Variants in USP14 observed in about 807,000 individuals in gnomAD.
The protein encoded by USP14 is ubiquitin carboxyl-terminal hydrolase 14.
Under a neutral mutation model 76.5 loss-of-function variants are expected in USP14, and 38 were observed. The observed-to-expected ratio is 0.50, with a 90% CI of 0.38 to 0.65. The LOEUF (loss-of-function observed/expected upper bound fraction) is 0.65, where lower values mean the gene tolerates loss of function less well. Among genes scored for constraint, USP14 ranks in the 30% least tolerant of loss-of-function variants. USP14 has a pLI of 0.00. For synonymous variants in USP14, 192 were observed against 191.7 expected, an observed-to-expected ratio of 1.00 and a Z score of -0.01; for missense variants, 467 against 586.5, an observed-to-expected ratio of 0.80 and a Z score of 2.10.
intron 5 of USP14, among the ~76,000 whole-genome samples, chr18:186,696 G>A (rs1909939768): frequency 2.0e-5 from 3 of 152,010 alleles, no homozygotes. Context: ...AGGCTGCAGT[G>A]AGCCGAGATT....
chr18:167,794 G>C (rs921867662), intron 3 of USP14, among the ~76,000 whole-genome samples: 1 of 152,026 alleles, frequency 6.6e-6, no homozygotes, highest in South Asian at 2.1e-4. Flanking sequence ...GGGATTAACA[G>C]GTGTGAGTCA....
At chr18:196,185 A>G (rs12454373) in intron 6 of USP14, among the ~76,000 whole-genome samples, 11,478 of 151,742 alleles carry the variant, frequency 0.076, 652 homozygotes, top group Middle Eastern at 0.18. Context: ...TTAGCCAGGC[A>G]TGGTGGCATG....
intron 3 of USP14, among the ~76,000 whole-genome samples, chr18:174,005 T>C (rs146603574): frequency 0.012 from 1,884 of 152,282 alleles, 16 homozygotes; most frequent in Middle Eastern, 0.024. Context: ...TCCAGTTGTT[T>C]TTCTTTTTTA....
intron 3 of USP14, among the ~76,000 whole-genome samples, chr18:168,168 C>T (rs1196425843): frequency 2.0e-5 from 3 of 151,558 alleles, no homozygotes; most frequent in African/African-American, 7.3e-5. Context: ...TCAGGTGATC[C>T]GCCCACCTTG....
chr18:205,464 CTA>C (rs1231004042), intron 13 of USP14, among the ~76,000 whole-genome samples: 7 of 152,110 alleles, frequency 4.6e-5, no homozygotes, highest in African/African-American at 1.4e-4. Context: ...CCGTTCATTT[CTA>C]TAATTTTTGT....
chr18:190,060 C>G (rs562667523), intron 5 of USP14, among the ~76,000 whole-genome samples: 1 of 152,216 alleles, frequency 6.6e-6, no homozygotes, highest in African/African-American at 2.4e-5. Context: ...TGGCTGATGA[C>G]TGGGTAATGG....
rs1910736776 is a variant in USP14 at position 213,503 on chromosome 18, G to GGGA, written c.*2221_*2223dup. The GGGA allele has an allele frequency of 6.6e-6, 1 of 152,234 alleles. No individual in the cohort carries two copies. Among genetic ancestry groups the GGGA allele is most frequent in the Admixed American group, 6.6e-5 (1 of 15,236 alleles). 9.4% of individuals were successfully genotyped at this position (152,234 alleles called of 1,614,324 possible). A position where few individuals can be genotyped will look rare whatever the true frequency, so the allele number is the denominator to read the frequency against. ...GCCTTGCCTGTAAGGTCTTTGAGAAGGGAGAGGAGTAGGCCAAAAAAAAAA... is the reference window on the plus strand; with the variant it reads ...GCCTTGCCTGTAAGGTCTTTGAGAAGGGAGGAGAGGAGTAGGCCAAAAAAAAAA... On this transcript the variant is annotated 3_prime_UTR_variant, in exon 16 of 16. Coordinates refer to ENST00000261601, the MANE Select transcript of USP14 (RefSeq NM_005151.4).
intron 5 of USP14, among the ~76,000 whole-genome samples, chr18:192,283 G>A (rs1910111696): frequency 6.6e-6 from 1 of 152,186 alleles, no homozygotes; most frequent in Admixed American, 6.5e-5. Flanking sequence ...GTTTGTTTTA[G>A]CTGGGTACAG....
At chr18:210,644 T>C in intron 15 of USP14, 151 bp downstream of exon 15, 2 of 480,890 alleles carry the variant, frequency 4.2e-6, no homozygotes, top group Non-Finnish European at 7.2e-6. Flanking sequence ...GGTTTGCCTC[T>C]CTTAATACTT....
At chr18:180,498 G>T (rs957979617) in intron 5 of USP14, among the ~76,000 whole-genome samples, 159 bp downstream of exon 5, 1 of 152,122 alleles carries the variant, frequency 6.6e-6, no homozygotes, top group African/African-American at 2.4e-5. Context: ...TTACAAGTTT[G>T]TGCAACCATC....
intron 3 of USP14, among the ~76,000 whole-genome samples, chr18:169,076 CA>C (rs549648133): frequency 1.4e-3 from 187 of 133,086 alleles, no homozygotes; most frequent in South Asian, 6.8e-3. Context: ...GACTCCATCT[CA>C]AAAAAAAAAA....
intron 5 of USP14, among the ~76,000 whole-genome samples, chr18:186,855 C>T (rs1373897116): frequency 1.3e-5 from 2 of 152,078 alleles, no homozygotes; most frequent in African/African-American, 2.4e-5. Context: ...TTCAAACAGT[C>T]TTAAATTTGT....
At chr18:203,239 A>G in intron 12 of USP14, 49 bp downstream of exon 12, 1 of 1,509,394 alleles carries the variant, frequency 6.6e-7, no homozygotes, top group Non-Finnish European at 9.1e-7. Flanking sequence ...CTTTGAAGGT[A>G]ATTGCTAACT....
At chr18:174,154 T>C (rs982701812) in intron 3 of USP14, among the ~76,000 whole-genome samples, 1 of 152,206 alleles carries the variant, frequency 6.6e-6, no homozygotes, top group Non-Finnish European at 1.5e-5. Flanking sequence ...GACATCTCAA[T>C]ATTGAGTCTT....
intron 3 of USP14, among the ~76,000 whole-genome samples, chr18:173,472 C>G (rs1400839783): frequency 6.6e-6 from 1 of 151,258 alleles, no homozygotes; most frequent in Non-Finnish European, 1.5e-5. Context: ...AGTGCAATGG[C>G]GTGATCTCAG....
intron 5 of USP14, among the ~76,000 whole-genome samples, chr18:190,970 A>G (rs1910069462): frequency 6.6e-6 from 1 of 151,976 alleles, no homozygotes; most frequent in African/African-American, 2.4e-5. Context: ...CTTAGTTACA[A>G]AAAAAAGGTT....
intron 3 of USP14, among the ~76,000 whole-genome samples, chr18:173,319 G>T (rs1043618932): frequency 1.3e-5 from 2 of 151,494 alleles, no homozygotes; most frequent in African/African-American, 4.9e-5. Flanking sequence ...CACCATGTTA[G>T]CCAGGATGGT....
At chr18:171,009 TAAAAA>T (rs145131497) in intron 3 of USP14, among the ~76,000 whole-genome samples, 5 of 91,752 alleles carry the variant, frequency 5.4e-5, no homozygotes, top group Admixed American at 1.3e-4. Flanking sequence ...CCCTGGAACT[TAAAAA>T]AAAAAAAAAA....
intron 3 of USP14, among the ~76,000 whole-genome samples, chr18:172,048 C>T (rs1370159932): frequency 6.6e-6 from 1 of 152,110 alleles, no homozygotes; most frequent in Non-Finnish European, 1.5e-5. Flanking sequence ...TGAGACCAGC[C>T]TGGGCAACAC....
Sources: gnomAD v4.1 joint callset for allele counts (sites outside exome capture counted in the v4.1 genomes callset) on GRCh38, gnomAD v4.1.1 for gene constraint, MANE v1.5 for transcripts, NCBI Gene and HGNC (gene_info 2026-07-23, HGNC 2026-07-21) for gene names.